The following KRT8 variants were observed in gnomAD, a reference collection of about 807,000 sequenced individuals.
The protein encoded by KRT8 is keratin, type II cytoskeletal 8.
A neutral mutation model predicts 43.0 loss-of-function variants in KRT8; 24 were observed. The ratio of observed to expected loss-of-function variants is 0.56; its 90% CI spans 0.40 to 0.78. KRT8 has a LOEUF of 0.78. Among genes scored for constraint, KRT8 ranks in the 30% least tolerant of loss-of-function variants. KRT8 has a pLI of 0.00. For missense variants in KRT8, 492 were observed against 638.4 expected (o/e 0.77, Z 2.47); for synonymous variants, 214 against 261.2 (o/e 0.82, Z 1.74).
chr12:52,898,890 G>A (rs776421362), exon 6 of KRT8: 2 of 1,613,426 alleles, frequency 1.2e-6, no homozygotes, highest in South Asian at 2.2e-5. Context: ...GCGGCCTCCA[G>A]GGAAGCCCTC....
At chr12:52,924,055 C>G (rs1350004423) in intron 2 of KRT8, among the ~76,000 whole-genome samples, 1 of 152,174 alleles carries the variant, frequency 6.6e-6, no homozygotes, top group South Asian at 2.1e-4. Context: ...CCATGTTGGC[C>G]AGGCTGGCCT....
chr12:52,931,504 C>G (rs1418633413), intron 2 of KRT8, among the ~76,000 whole-genome samples: 2 of 152,120 alleles, frequency 1.3e-5, no homozygotes, highest in Non-Finnish European at 2.9e-5. Context: ...GCATTCATGA[C>G]ATGTTCCCAA....
intron 2 of KRT8, among the ~76,000 whole-genome samples, chr12:52,922,725 C>T (rs1276490004): frequency 1.3e-5 from 2 of 152,168 alleles, no homozygotes; most frequent in Non-Finnish European, 1.5e-5. Flanking sequence ...CCTCATTTTA[C>T]AGATGAGGAG....
At chr12:52,911,060 G>C (rs957113222), upstream of KRT8, among the ~76,000 whole-genome samples, 2 of 152,182 alleles carry the variant, frequency 1.3e-5, no homozygotes, top group Non-Finnish European at 2.9e-5. Context: ...CTGTTGAGAA[G>C]TGACCATCAG....
chr12:52,936,033 C>G (rs1942164053), intron 2 of KRT8, among the ~76,000 whole-genome samples: 1 of 151,718 alleles, frequency 6.6e-6, no homozygotes, highest in South Asian at 2.1e-4. Context: ...GCAGGTGGAT[C>G]ACGAGGTCAG....
In KRT8 at chr12:52,900,023, C is replaced by T. The variant is rs751879878; in HGVS notation, c.733G>A (p.Val245Met). Reference sequence around the variant, plus strand: ...GAGCGGCTGTTGTCCATGGACAGCACCACAGATGTGTCCGAGATCTGGGAC... The same window carrying T: ...GAGCGGCTGTTGTCCATGGACAGCATCACAGATGTGTCCGAGATCTGGGAC... Residue 245 changes from valine (V) to methionine (M), a missense_variant, in exon 5 of 8, where the codon GTG becomes ATG. This residue lies in a region of KRT8 where 389 missense variants were observed against 485.7 expected (regional missense o/e 0.80). Transcript: ENST00000692008. 2 of 1,612,846 alleles carry T rather than the reference C, an allele frequency of 1.2e-6. No individual in the cohort carries two copies. The highest frequency in any genetic ancestry group is 2.2e-5 in the South Asian group (2 of 91,048).
intron 2 of KRT8, among the ~76,000 whole-genome samples, chr12:52,924,381 G>A (rs1005557775): frequency 5.3e-5 from 8 of 151,682 alleles, no homozygotes; most frequent in African/African-American, 1.5e-4. Flanking sequence ...CCCGGGAGGC[G>A]GAGCTTGCAG....
At chr12:52,938,170 A>ATATATATATATATATATATATATATAT (rs1555189967) in intron 2 of KRT8, among the ~76,000 whole-genome samples, 1 of 30,322 alleles carries the variant, frequency 3.3e-5, no homozygotes, top group Non-Finnish European at 5.9e-5. Flanking sequence ...ATATATATAT[A>ATATATATATATATATATATATATATAT]TTTTTTTTTT....
intron 2 of KRT8, among the ~76,000 whole-genome samples, chr12:52,915,015 A>G (rs533999902): frequency 1.3e-5 from 2 of 152,228 alleles, no homozygotes; most frequent in African/African-American, 4.8e-5. Flanking sequence ...ACTAGACTAG[A>G]CCACATAACA....
rs371624304 is a variant in KRT8, at chr12:52,918,205, C to CAAGAAGAAGAAG, written c.-46-13190_-46-13179dup. On this transcript the variant is annotated intron_variant, in intron 2 of 6. Transcript: ENST00000546826. ...GGAAGAAGAAGAAGAAGAAGAAGAA[C>CAAGAAGAAGAAG]AAGAAGAAGAAGAAGAAGAAGAAGA... is the stretch of plus-strand genomic sequence containing the variant. Among the ~76,000 whole-genome samples, 363 of 116,644 alleles carry CAAGAAGAAGAAG rather than the reference C, an allele frequency of 3.1e-3. 8 individuals carry two copies. Among genetic ancestry groups the CAAGAAGAAGAAG allele is most frequent in the Middle Eastern group, 4.6e-3 (1 of 216 alleles). 76.5% of individuals were successfully genotyped at this position (116,644 alleles called of 152,430 possible).
Position 52,929,630 on chromosome 12 carries a change from T to C in KRT8, c.-47+19826A>G, listed in dbSNP as rs114166501. ...CACCACTTACACCTGTAATCATTAATCTTCTTGGTGGTTCATGCTCCCCTT... is the reference window on the plus strand; with the variant it reads ...CACCACTTACACCTGTAATCATTAACCTTCTTGGTGGTTCATGCTCCCCTT... On this transcript the variant is annotated intron_variant, in intron 2 of 6. Coordinates refer to the KRT8 transcript ENST00000546826. Among the ~76,000 whole-genome samples the C allele has an allele frequency of 6.7e-3, 1,016 of 152,316 alleles. 11 individuals are homozygous for C. The highest frequency in any genetic ancestry group is 0.023 in the African/African-American group (973 of 41,562).
intron 2 of KRT8, chr12:52,949,114 G>T: frequency 7.4e-7 from 1 of 1,360,288 alleles, no homozygotes; most frequent in Admixed American, 2.1e-5. Context: ...CGCGGCTCGC[G>T]CAGGCCGCCA....
chr12:52,949,163 C>A (rs376727372), intron 2 of KRT8: 3 of 1,610,480 alleles, frequency 1.9e-6, no homozygotes, highest in South Asian at 1.1e-5. Flanking sequence ...CTTTCTCTCT[C>A]CCCGGACAGC....
intron 2 of KRT8, among the ~76,000 whole-genome samples, chr12:52,941,018 C>T (rs1672645379): frequency 6.6e-6 from 1 of 151,918 alleles, no homozygotes; most frequent in Non-Finnish European, 1.5e-5. Context: ...AAACTGTATA[C>T]CTAAAAAGGG....
intron 2 of KRT8, chr12:52,949,041 T>C: frequency 2.3e-6 from 2 of 852,948 alleles, no homozygotes; most frequent in Non-Finnish European, 3.8e-6. Flanking sequence ...CACCTGTGGC[T>C]CCGGCTTCCG....
intron 7 of KRT8, 52 bp downstream of exon 7, chr12:52,898,409 G>A (rs1444791762): frequency 1.3e-6 from 2 of 1,516,524 alleles, no homozygotes; most frequent in East Asian, 2.3e-5. Context: ...TGGAGCTGAG[G>A]CCTCCCTGGG....
intron 2 of KRT8, chr12:52,949,107 G>C: frequency 7.4e-7 from 1 of 1,360,128 alleles, no homozygotes; most frequent in Non-Finnish European, 1.0e-6. Flanking sequence ...CGGGTCGCGC[G>C]GCTCGCGCAG....
At chr12:52,897,485 C>A in exon 8 of KRT8, 1 of 1,599,340 alleles carries the variant, frequency 6.3e-7, no homozygotes, top group Non-Finnish European at 8.5e-7. Context: ...GTGTCTCGAT[C>A]TTCTTCACAA....
At chr12:52,928,821 G>A (rs889145800) in intron 2 of KRT8, among the ~76,000 whole-genome samples, 9 of 152,164 alleles carry the variant, frequency 5.9e-5, no homozygotes, top group African/African-American at 1.9e-4. Context: ...CGAGAGAATC[G>A]CTTGACCCCG....
Sources: allele counts gnomAD v4.1 joint callset (sites outside exome capture counted in the v4.1 genomes callset), GRCh38; gene constraint gnomAD v4.1.1; regional missense constraint gnomAD v4.1.1; transcripts MANE v1.5; gene names NCBI Gene and HGNC (gene_info 2026-07-23, HGNC 2026-07-21).